The following UNC79 variants were observed in gnomAD, a reference collection of about 807,000 sequenced individuals.
UNC79 encodes protein unc-79 homolog.
Under a neutral mutation model 283.1 loss-of-function variants are expected in UNC79, and 37 were observed. The ratio of observed to expected loss-of-function variants is 0.13; its 90% CI spans 0.10 to 0.17. The LOEUF (loss-of-function observed/expected upper bound fraction) is 0.17, where lower values mean the gene tolerates loss of function less well. Among genes scored for constraint, UNC79 ranks in the 10% least tolerant of loss-of-function variants. The pLI, the probability that UNC79 is intolerant of heterozygous loss-of-function variation, is 1.00. For synonymous variants in UNC79, 1,107 were observed against 1,200.2 expected, an observed-to-expected ratio of 0.92 and a Z score of 1.61; for missense variants, 2,272 against 3,211.1, an observed-to-expected ratio of 0.71 and a Z score of 7.07.
At chr14:93,431,505 T>C (rs1280438191) in intron 1 of UNC79, among the ~76,000 whole-genome samples, 3 of 151,468 alleles carry the variant, frequency 2.0e-5, no homozygotes, top group Non-Finnish European at 4.4e-5. Context: ...ATAGGGGAGT[T>C]TGAGTCTGCA....
intron 14 of UNC79, among the ~76,000 whole-genome samples, chr14:93,561,696 T>C (rs570656816): frequency 6.6e-6 from 1 of 152,222 alleles, no homozygotes; most frequent in South Asian, 2.1e-4. Context: ...TAGAACTTCA[T>C]CAGGGTGAAA....
chr14:93,409,334 TATAA>T (rs2055289802), intron 1 of UNC79, among the ~76,000 whole-genome samples: 1 of 152,200 alleles, frequency 6.6e-6, no homozygotes, highest in Non-Finnish European at 1.5e-5. Flanking sequence ...ATAAGGTACT[TATAA>T]ATAAATTTGA....
intron 33 of UNC79, among the ~76,000 whole-genome samples, chr14:93,642,986 A>G (rs2069212589): frequency 6.6e-6 from 1 of 152,130 alleles, no homozygotes; most frequent in Non-Finnish European, 1.5e-5. Flanking sequence ...GCTTTTACAT[A>G]TGACACTCGG....
chr14:93,609,638 G>A (rs1269894337), intron 26 of UNC79, among the ~76,000 whole-genome samples: 1 of 152,170 alleles, frequency 6.6e-6, no homozygotes, highest in Admixed American at 6.5e-5. Context: ...ACTATTAAGT[G>A]TTTTGTTTTC....
chr14:93,621,818 G>T lies in UNC79; in HGVS notation c.4585G>T (p.Glu1529Ter). The T allele has an allele frequency of 6.2e-7, 1 of 1,613,922 alleles. No homozygotes were observed. Among genetic ancestry groups the T allele is most frequent in the East Asian group, 2.2e-5 (1 of 44,862 alleles). The change falls in exon 30 of 49, where the codon GAG becomes TAG. Residue 1529 changes from glutamate (E) to a stop codon, truncating the protein, a stop_gained. Coordinates refer to ENST00000555664, the Ensembl canonical transcript of UNC79. LOFTEE classifies it high-confidence loss of function. The surrounding 1 kb of genome is among the most constrained non-coding windows in gnomAD (Gnocchi z 4.8). ...GTCGTGCATAGATCGGTGTGACATA[G>T]AGAAGCCTCCGACCCAAGCTGCGTA...
Position 93,391,016 on chromosome 14 carries a change from C to T in UNC79, c.-351+57493C>T, listed in dbSNP as rs368745220. Among the ~76,000 whole-genome samples, 23 of 152,264 alleles carry T rather than the reference C, an allele frequency of 1.5e-4. 1 individual carries two copies. The East Asian group carries it at 4.1e-3, about 27-fold the overall frequency. On this transcript the variant is annotated intron_variant, in intron 1 of 49. Coordinates refer to the UNC79 transcript ENST00000256339. ...AAGATCAATAATAGCTAAAACACTTCTGAAGAAAAGCAGCAATATGGCAGG... is the reference window on the plus strand; with the variant it reads ...AAGATCAATAATAGCTAAAACACTTTTGAAGAAAAGCAGCAATATGGCAGG...
chr14:93,654,947 G>T (rs989951421), intron 37 of UNC79, among the ~76,000 whole-genome samples: 4 of 152,218 alleles, frequency 2.6e-5, no homozygotes, highest in African/African-American at 9.6e-5. Flanking sequence ...TATTTACAGT[G>T]AGCATCATTC....
intron 7 of UNC79, among the ~76,000 whole-genome samples, chr14:93,517,222 T>C (rs563801454): frequency 6.8e-6 from 1 of 147,972 alleles, no homozygotes; most frequent in South Asian, 2.3e-4. Context: ...CATCCCTCCC[T>C]TCCTTCTTTC....
At chr14:93,664,177 C>G (rs1457576071) in intron 40 of UNC79, among the ~76,000 whole-genome samples, 4 of 152,106 alleles carry the variant, frequency 2.6e-5, no homozygotes, top group African/African-American at 9.7e-5. Context: ...TTAAAAATAG[C>G]AGTAGCTAAT....
chr14:93,652,249 G>A (rs2070365809), intron 35 of UNC79, among the ~76,000 whole-genome samples: 1 of 151,994 alleles, frequency 6.6e-6, no homozygotes, highest in African/African-American at 2.4e-5. Flanking sequence ...TCCAGTTTGA[G>A]GGTTTTTGTT....
At chr14:93,486,072 T>C (rs2058411543) in intron 4 of UNC79, among the ~76,000 whole-genome samples, 2 of 152,216 alleles carry the variant, frequency 1.3e-5, no homozygotes, top group African/African-American at 4.8e-5. Context: ...TGTACTTTAA[T>C]ATAAAATAAA....
chr14:93,581,537 A>G (rs1363744686), intron 19 of UNC79, among the ~76,000 whole-genome samples: 2 of 122,720 alleles, frequency 1.6e-5, no homozygotes, highest in Non-Finnish European at 3.1e-5. Flanking sequence ...TCTGTCGCCC[A>G]GGCTGGAGTA....
In UNC79 at chr14:93,621,210, C is replaced by T. The variant is rs1302348089; in HGVS notation, c.4388-411C>T. 6.6e-6 allele frequency among the ~76,000 whole-genome samples: 1 copy of T among 151,956 alleles called. No homozygotes were observed. The highest frequency in any genetic ancestry group is 2.4e-5 in the African/African-American group (1 of 41,346). On this transcript the variant is annotated intron_variant, in intron 29 of 48. Transcript: ENST00000555664. The surrounding 1 kb of genome is among the most constrained non-coding windows in gnomAD (Gnocchi z 4.8). Reference sequence around the variant, plus strand: ...TACACATTTATATATATACGTGAATCGACAGATACATCATTAATGTCATGA... The same window carrying T: ...TACACATTTATATATATACGTGAATTGACAGATACATCATTAATGTCATGA...
rs551099263 is a variant in UNC79, at chr14:93,593,324, C to G, written c.3033-356C>G. Among the ~76,000 whole-genome samples, 9 of 152,292 alleles carry G rather than the reference C, an allele frequency of 5.9e-5. No individual in the cohort carries two copies. The East Asian group carries it at 1.5e-3, about 26-fold the overall frequency. ...CCAAACCAACCAAACTTGCCAGATGCTCACTGTAAGAAAATTTTTAAAAAT... is the reference window on the plus strand; with the variant it reads ...CCAAACCAACCAAACTTGCCAGATGGTCACTGTAAGAAAATTTTTAAAAAT... On this transcript the variant is annotated intron_variant, in intron 22 of 48. Transcript: ENST00000555664.
At chr14:93,532,714 A>G in intron 11 of UNC79, 136 bp downstream of exon 11, 3 of 1,046,368 alleles carry the variant, frequency 2.9e-6, no homozygotes, top group East Asian at 2.6e-5. Context: ...GGGGTAAAGG[A>G]AATAATTTAG....
At chr14:93,480,012 A>G (rs2058044088) in intron 4 of UNC79, among the ~76,000 whole-genome samples, 1 of 152,222 alleles carries the variant, frequency 6.6e-6, no homozygotes, top group African/African-American at 2.4e-5. Flanking sequence ...AGGTGTTGAA[A>G]ATATCAGGCC....
chr14:93,483,789 G>A (rs1023619020), intron 4 of UNC79, among the ~76,000 whole-genome samples: 4 of 151,656 alleles, frequency 2.6e-5, no homozygotes, highest in African/African-American at 9.7e-5. Context: ...AACATGCGGT[G>A]TTTGGTTTTC....
chr14:93,631,297 T>C (rs1017045189), intron 31 of UNC79, among the ~76,000 whole-genome samples: 1 of 152,218 alleles, frequency 6.6e-6, no homozygotes, highest in Non-Finnish European at 1.5e-5. Flanking sequence ...TTGAGTCGCC[T>C]CCATCATTGA....
At chr14:93,610,564 T>G (rs985798177) in intron 26 of UNC79, among the ~76,000 whole-genome samples, 2 of 152,100 alleles carry the variant, frequency 1.3e-5, no homozygotes, top group Non-Finnish European at 2.9e-5. Flanking sequence ...AGTAATACTC[T>G]AGTGGAAAAA....
Sources: allele counts gnomAD v4.1 joint callset (sites outside exome capture counted in the v4.1 genomes callset), GRCh38; gene constraint gnomAD v4.1.1; non-coding constraint Gnocchi (gnomAD v3.1); transcripts MANE v1.5; gene names NCBI Gene and HGNC (gene_info 2026-07-23, HGNC 2026-07-21).